CCDC33: variants seen among roughly 807,000 people sequenced by gnomAD.
CCDC33 encodes coiled-coil domain containing 33, also known as coiled-coil domain-containing protein 33.
CCDC33 carries 94 observed loss-of-function variants against 91.9 expected under a neutral mutation model. The ratio of observed to expected loss-of-function variants is 1.02; its 90% CI spans 0.87 to 1.21. CCDC33 has a LOEUF of 1.21. Ranked by LOEUF, CCDC33 falls within the 50% of genes most tolerant of loss-of-function variation. The pLI, the probability that CCDC33 is intolerant of heterozygous loss-of-function variation, is 0.00. For synonymous variants in CCDC33, 396 were observed against 374.5 expected, an observed-to-expected ratio of 1.06 and a Z score of -0.66; for missense variants, 940 against 935.5, an observed-to-expected ratio of 1.00 and a Z score of -0.06.
chr15:74,255,358 A>G (rs1250408416), intron 2 of CCDC33, among the ~76,000 whole-genome samples: 1 of 152,250 alleles, frequency 6.6e-6, no homozygotes, highest in African/African-American at 2.4e-5. Context: ...GAGCCTGAAC[A>G]CAAAGCTGTC....
chr15:74,331,336 G>C (rs2060433673), intron 15 of CCDC33, 40 bp downstream of exon 15: 1 of 1,601,070 alleles, frequency 6.2e-7, no homozygotes, highest in Non-Finnish European at 8.5e-7. Flanking sequence ...CCCAGCTTCT[G>C]CTCCACCCCT....
chr15:74,221,234 T>C (rs1224073578), intron 2 of CCDC33: 3 of 979,208 alleles, frequency 3.1e-6, no homozygotes, highest in Non-Finnish European at 3.6e-6. Flanking sequence ...TTTTTTTTTT[T>C]TTTTTTTTTC....
chr15:74,256,796 C>T (rs917995878), intron 2 of CCDC33, among the ~76,000 whole-genome samples: 20 of 152,212 alleles, frequency 1.3e-4, no homozygotes, highest in Admixed American at 6.5e-5. Context: ...CCCAGAACAC[C>T]GGCACTTAAG....
At chr15:74,243,126 C>A (rs1025058900) in intron 1 of CCDC33, among the ~76,000 whole-genome samples, 1 of 152,222 alleles carries the variant, frequency 6.6e-6, no homozygotes, top group Admixed American at 6.5e-5. Context: ...GTAGGAAGCC[C>A]CCTGCATGGG....
chr15:74,290,252 A>G (rs945249965), intron 10 of CCDC33, among the ~76,000 whole-genome samples: 32 of 149,788 alleles, frequency 2.1e-4, no homozygotes, highest in Admixed American at 1.3e-4. Context: ...ATCTCGGCTC[A>G]CTTCAACCTC....
chr15:74,214,423 C>T (rs1293054445), upstream of CCDC33, among the ~76,000 whole-genome samples: 2 of 152,152 alleles, frequency 1.3e-5, no homozygotes. Flanking sequence ...AGGCCCTGCC[C>T]CCCAGAGACA....
intron 1 of CCDC33, among the ~76,000 whole-genome samples, chr15:74,204,145 C>T (rs2074198439): frequency 6.6e-6 from 1 of 152,242 alleles, no homozygotes; most frequent in African/African-American, 2.4e-5. Flanking sequence ...CATCTGCTGA[C>T]TCAGAGCTGA....
chr15:74,321,048 G>T (rs1159535425), intron 11 of CCDC33, among the ~76,000 whole-genome samples: 1 of 151,958 alleles, frequency 6.6e-6, no homozygotes, highest in Non-Finnish European at 1.5e-5. Flanking sequence ...CCCAACCCCT[G>T]GGAAAACACT....
intron 11 of CCDC33, among the ~76,000 whole-genome samples, chr15:74,325,961 T>G (rs925149317): frequency 6.6e-6 from 1 of 152,126 alleles, no homozygotes; most frequent in Non-Finnish European, 1.5e-5. Flanking sequence ...GGTCCTCAGT[T>G]TCTATACAAT....
chr15:74,271,349 TC>T (rs1445784344), intron 5 of CCDC33, among the ~76,000 whole-genome samples: 2 of 151,742 alleles, frequency 1.3e-5, no homozygotes, highest in African/African-American at 2.4e-5. Flanking sequence ...GCCCAACCCC[TC>T]CCCAGGAGCC....
At chr15:74,235,179 A>C (rs986505400), upstream of CCDC33, among the ~76,000 whole-genome samples, 4 of 152,216 alleles carry the variant, frequency 2.6e-5, no homozygotes, top group Non-Finnish European at 4.4e-5. Context: ...CACTCTTGGC[A>C]GGCCTAGACG....
chr15:74,303,459 C>G (rs2059833071), intron 11 of CCDC33: 1 of 152,570 alleles, frequency 6.6e-6, no homozygotes, highest in South Asian at 2.1e-4. Flanking sequence ...CACCCAACGG[C>G]CTCCAAACAG....
intron 2 of CCDC33, among the ~76,000 whole-genome samples, chr15:74,245,294 G>A (rs973062265): frequency 6.6e-6 from 1 of 152,160 alleles, no homozygotes; most frequent in Non-Finnish European, 1.5e-5. Flanking sequence ...CCCCCCCAGG[G>A]CCCCCACTGT....
chr15:74,333,277 G>A (rs535915434), intron 16 of CCDC33: 13 of 1,601,422 alleles, frequency 8.1e-6, no homozygotes, highest in Middle Eastern at 1.6e-4. Flanking sequence ...TACAAGAGAC[G>A]CATGGCCCAG....
chr15:74,227,498 C>T (rs1487148965), intron 2 of CCDC33, among the ~76,000 whole-genome samples: 1 of 152,128 alleles, frequency 6.6e-6, no homozygotes, highest in Non-Finnish European at 1.5e-5. Flanking sequence ...ATTACGCTGG[C>T]CCCAACAATG....
intron 1 of CCDC33, 175 bp from the exon 2 acceptor site, chr15:74,243,810 T>C (rs2075424634): frequency 1.4e-6 from 1 of 710,652 alleles, no homozygotes; most frequent in Non-Finnish European, 2.5e-6. Flanking sequence ...TTGGATGTGG[T>C]GGCACATGCC....
chr15:74,296,353 G>A (rs540952559), intron 11 of CCDC33, among the ~76,000 whole-genome samples: 6 of 152,190 alleles, frequency 3.9e-5, no homozygotes, highest in South Asian at 4.2e-4. Context: ...AGCTGGGCAC[G>A]GTGGCTCACA....
rs1208478046 is a variant in CCDC33, at chr15:74,268,339, C to T, written c.430-3C>T. Reference sequence around the variant, plus strand: ...GTGTCTTCTGCCCCAACCCTGTCTCCAGCCCACTGAGTCTGGGAAAGCCGA... The same window carrying T: ...GTGTCTTCTGCCCCAACCCTGTCTCTAGCCCACTGAGTCTGGGAAAGCCGA... On this transcript the variant is annotated splice_polypyrimidine_tract_variant and splice_region_variant and intron_variant, in intron 4 of 18. Coordinates refer to ENST00000398814, the MANE Select transcript of CCDC33 (RefSeq NM_025055.5). 6.2e-7 allele frequency: 1 copy of T among 1,609,844 alleles called. No individual in the cohort carries two copies. The highest frequency in any genetic ancestry group is 2.2e-5 in the East Asian group (1 of 44,846).
intron 10 of CCDC33, among the ~76,000 whole-genome samples, chr15:74,287,725 G>T (rs1408190442): frequency 6.6e-6 from 1 of 151,856 alleles, no homozygotes; most frequent in African/African-American, 2.4e-5. Flanking sequence ...GGAGGCGGAG[G>T]TTGCAGTGAG....
Sources: allele counts gnomAD v4.1 joint callset (sites outside exome capture counted in the v4.1 genomes callset), GRCh38; gene constraint gnomAD v4.1.1; transcripts MANE v1.5; gene names NCBI Gene and HGNC (gene_info 2026-07-23, HGNC 2026-07-21).